ROBO2: variants seen among roughly 807,000 people sequenced by gnomAD.
ROBO2 encodes the protein roundabout homolog 2.
A neutral mutation model predicts 160.8 loss-of-function variants in ROBO2; 53 were observed. That is an observed-to-expected ratio of 0.33 (90% CI 0.26 to 0.41). The LOEUF (loss-of-function observed/expected upper bound fraction) is 0.41, where lower values mean the gene tolerates loss of function less well. Ranked by LOEUF, ROBO2 falls within the 10% of genes least tolerant of loss-of-function variation. The pLI is 1.00. For missense variants in ROBO2, 1,577 were observed against 1,722.4 expected, an observed-to-expected ratio of 0.92 and a Z score of 1.49; for synonymous variants, 664 against 611.7, an observed-to-expected ratio of 1.09 and a Z score of -1.26.
intron 2 of ROBO2, among the ~76,000 whole-genome samples, chr3:77,312,922 A>T (rs371905438): frequency 2.0e-5 from 3 of 152,272 alleles, no homozygotes; most frequent in African/African-American, 7.2e-5. Context: ...TGTGTCCTTT[A>T]TTTACCTTTT....
At chr3:76,218,598 A>G (rs1039976818) in intron 2 of ROBO2, among the ~76,000 whole-genome samples, 28 of 152,202 alleles carry the variant, frequency 1.8e-4, no homozygotes, top group Non-Finnish European at 8.8e-5. Flanking sequence ...TAGGAATCCA[A>G]CTTACAAGGG....
At chr3:76,092,295 CTTGA>C (rs894409521) in intron 2 of ROBO2, among the ~76,000 whole-genome samples, 4 of 152,206 alleles carry the variant, frequency 2.6e-5, no homozygotes, top group Admixed American at 6.5e-5. Context: ...TTAAAATTTA[CTTGA>C]TTATCTATTA....
At chr3:76,430,943 ACT>A (rs1289050802) in intron 2 of ROBO2, among the ~76,000 whole-genome samples, 10 of 152,128 alleles carry the variant, frequency 6.6e-5, no homozygotes, top group South Asian at 4.1e-4. Context: ...AAATTATGAA[ACT>A]CTCTTACTGT....
At chr3:77,380,527 T>C (rs527590350) in intron 2 of ROBO2, among the ~76,000 whole-genome samples, 2 of 152,270 alleles carry the variant, frequency 1.3e-5, no homozygotes, top group African/African-American at 4.8e-5. Context: ...TGAGTAACAA[T>C]TAAAAGACGG....
At chr3:76,909,877 C>G (rs1422179291) in intron 2 of ROBO2, among the ~76,000 whole-genome samples, 1 of 152,108 alleles carries the variant, frequency 6.6e-6, no homozygotes, top group Non-Finnish European at 1.5e-5. Flanking sequence ...GCTTGGGAGA[C>G]AGAACAACAT....
chr3:76,884,351 T>A (rs1225003172), intron 2 of ROBO2, among the ~76,000 whole-genome samples: 1 of 152,204 alleles, frequency 6.6e-6, no homozygotes, highest in Non-Finnish European at 1.5e-5. Context: ...GATCTATTAT[T>A]CTCTAAGCTG....
At chr3:77,409,501 A>G (rs2076526744) in intron 2 of ROBO2, among the ~76,000 whole-genome samples, 1 of 152,160 alleles carries the variant, frequency 6.6e-6, no homozygotes, top group South Asian at 2.1e-4. Flanking sequence ...GCACCATGGC[A>G]TTTAAGAATA....
chr3:76,492,041 G>A (rs1181535631), intron 2 of ROBO2, among the ~76,000 whole-genome samples: 2 of 152,114 alleles, frequency 1.3e-5, no homozygotes, highest in South Asian at 4.1e-4. Flanking sequence ...GCTTGAACCT[G>A]GGGAGGCAGA....
intron 2 of ROBO2, among the ~76,000 whole-genome samples, chr3:76,856,698 A>G (rs1246862255): frequency 6.6e-6 from 1 of 152,202 alleles, no homozygotes; most frequent in Non-Finnish European, 1.5e-5. Flanking sequence ...TCAGGTAATG[A>G]TGATGGTGCT....
At position 76,986,533 on chromosome 3, in the gene ROBO2, AG is replaced by A. The variant is rs569280436; in HGVS notation, c.110-111475del. The stretch of plus-strand genomic sequence containing the variant: ...TTATAAATTAAAGTTCTTGACTTTC[AG>A]GGGGGAAAGTTATATTATTTTGTAA... On this transcript the variant is annotated intron_variant, in intron 2 of 26. Coordinates refer to the ROBO2 transcript ENST00000487694. 3.8e-4 allele frequency among the ~76,000 whole-genome samples: 58 copies of A among 152,174 alleles called. 1 individual carries two copies. Among genetic ancestry groups the A allele is most frequent in the African/African-American group, 1.1e-3 (45 of 41,542 alleles).
intron 8 of ROBO2, 102 bp downstream of exon 9, chr3:77,551,091 G>T: frequency 8.0e-7 from 1 of 1,245,558 alleles, no homozygotes; most frequent in Non-Finnish European, 1.2e-6. Flanking sequence ...TCATTTCTAT[G>T]TATGCTTATC....
chr3:76,409,092 TG>T (rs771233960), intron 2 of ROBO2, among the ~76,000 whole-genome samples: 42 of 152,100 alleles, frequency 2.8e-4, no homozygotes, highest in Non-Finnish European at 5.7e-4. Flanking sequence ...TTTCAAATTT[TG>T]TTTTAGTTTT....
intron 2 of ROBO2, among the ~76,000 whole-genome samples, chr3:77,202,954 C>T (rs1459919407): frequency 6.6e-6 from 1 of 152,160 alleles, no homozygotes; most frequent in Non-Finnish European, 1.5e-5. Flanking sequence ...TGCCCTTATC[C>T]ACAGTGTATT....
chr3:76,679,394 T>A lies in ROBO2; in HGVS notation c.110-418620T>A, dbSNP rs527366848. ...TAGGAGTCAACTCTCCTTTAAAAAA[T>A]TTCTAATCTGAGTTACACTGAACTT... is the stretch of plus-strand genomic sequence containing the variant. On this transcript the variant is annotated intron_variant, in intron 2 of 26. Coordinates refer to the ROBO2 transcript ENST00000487694. Among the ~76,000 whole-genome samples the A allele has an allele frequency of 2.7e-3, 416 of 152,226 alleles. 2 individuals are homozygous for A. Among genetic ancestry groups the A allele is most frequent in the African/African-American group, 9.6e-3 (398 of 41,560 alleles).
chr3:76,359,271 T>C (rs184043205), intron 2 of ROBO2, among the ~76,000 whole-genome samples: 47 of 152,072 alleles, frequency 3.1e-4, no homozygotes, highest in Admixed American at 5.3e-4. Flanking sequence ...AAATATTGAA[T>C]GAGCCCTTTT....
At chr3:76,081,869 A>G (rs2068845181) in intron 2 of ROBO2, among the ~76,000 whole-genome samples, 1 of 151,840 alleles carries the variant, frequency 6.6e-6, no homozygotes, top group African/African-American at 2.4e-5. Context: ...CACCAGAAAA[A>G]CTGAAAGAAA....
At chr3:76,271,346 G>A (rs1029731201) in intron 2 of ROBO2, among the ~76,000 whole-genome samples, 6 of 151,744 alleles carry the variant, frequency 4.0e-5, no homozygotes. Context: ...TTGTTTGAGT[G>A]CTACCTCTCC....
intron 2 of ROBO2, among the ~76,000 whole-genome samples, chr3:77,110,284 G>A (rs1181951631): frequency 1.3e-5 from 2 of 152,060 alleles, no homozygotes; most frequent in East Asian, 1.9e-4. Context: ...TATGATAATA[G>A]CAATGATATC....
chr3:77,150,399 A>G (rs1196369308), intron 2 of ROBO2, among the ~76,000 whole-genome samples: 1 of 152,230 alleles, frequency 6.6e-6, no homozygotes, highest in Non-Finnish European at 1.5e-5. Context: ...ACGTAAAGAA[A>G]GACAAGTAAC....
Sources: allele counts gnomAD v4.1 joint callset (sites outside exome capture counted in the v4.1 genomes callset), GRCh38; gene constraint gnomAD v4.1.1; transcripts MANE v1.5; gene names NCBI Gene and HGNC (gene_info 2026-07-23, HGNC 2026-07-21).